Variants in CADPS observed in about 807,000 individuals in gnomAD.
CADPS encodes the protein calcium-dependent secretion activator 1.
CADPS carries 57 observed loss-of-function variants against 167.3 expected under a neutral mutation model. That is an observed-to-expected ratio of 0.34 (90% CI 0.28 to 0.42). CADPS has a LOEUF of 0.42. Ranked by LOEUF, CADPS falls within the 20% of genes least tolerant of loss-of-function variation. The probability of loss-of-function intolerance (pLI) is 1.00; values close to 1 mark genes in which losing one functional copy is unlikely to be tolerated. For missense variants in CADPS, 1,414 were observed against 1,738.1 expected, an observed-to-expected ratio of 0.81 and a Z score of 3.32; for synonymous variants, 676 against 635.3, an observed-to-expected ratio of 1.06 and a Z score of -0.96.
At chr3:62,564,927 A>G (rs530660819) in intron 9 of CADPS, among the ~76,000 whole-genome samples, 1 of 152,140 alleles carries the variant, frequency 6.6e-6, no homozygotes, top group African/African-American at 2.4e-5. Flanking sequence ...TTGATCACAG[A>G]ATAAAAATAT....
At chr3:62,480,373 G>C (rs1576598796) in intron 22 of CADPS, among the ~76,000 whole-genome samples, 1 of 152,094 alleles carries the variant, frequency 6.6e-6, no homozygotes, top group African/African-American at 2.4e-5. Context: ...TTTTCATATA[G>C]TCATCTTAGC....
chr3:62,797,454 G>C (rs2093495516), intron 1 of CADPS, among the ~76,000 whole-genome samples: 1 of 152,136 alleles, frequency 6.6e-6, no homozygotes, highest in African/African-American at 2.4e-5. Context: ...CTGTTTGATA[G>C]AGAAGATAGA....
chr3:62,591,878 T>C (rs1048049031), intron 7 of CADPS, among the ~76,000 whole-genome samples: 4 of 152,188 alleles, frequency 2.6e-5, no homozygotes, highest in African/African-American at 4.8e-5. Flanking sequence ...TGCTCCTTAG[T>C]GAGGCATCTT....
At chr3:62,625,713 GT>G (rs2063948713) in intron 6 of CADPS, 1 of 150,706 alleles carries the variant, frequency 6.6e-6, no homozygotes, top group Admixed American at 6.6e-5. Context: ...ATACCACTTC[GT>G]TTTGCTGGAA....
At position 62,564,880 on chromosome 3, in the gene CADPS, C is replaced by T. The variant is rs138105544; in HGVS notation, c.1644+5992G>A. ...TCAGCCTCCCAAGGGGCTGGGATTACAGGCATGAGCCACCATGTCTGGGCA... is the reference window on the plus strand; with the variant it reads ...TCAGCCTCCCAAGGGGCTGGGATTATAGGCATGAGCCACCATGTCTGGGCA... On this transcript the variant is annotated intron_variant, in intron 9 of 29. Coordinates refer to ENST00000383710, the MANE Select transcript of CADPS (RefSeq NM_003716.4). Among the ~76,000 whole-genome samples the T allele has an allele frequency of 1.1e-3, 165 of 152,272 alleles. 1 individual carries two copies. Among genetic ancestry groups the T allele is most frequent in the African/African-American group, 3.7e-3 (153 of 41,568 alleles).
At chr3:62,734,858 T>A (rs1421905340) in intron 3 of CADPS, among the ~76,000 whole-genome samples, 1 of 152,210 alleles carries the variant, frequency 6.6e-6, no homozygotes, top group Non-Finnish European at 1.5e-5. Flanking sequence ...CATAGCAATG[T>A]AGAAAACATC....
chr3:62,639,967 C>T (rs1474718856), intron 6 of CADPS, among the ~76,000 whole-genome samples: 1 of 152,156 alleles, frequency 6.6e-6, no homozygotes, highest in Non-Finnish European at 1.5e-5. Context: ...TCTTTCAGAA[C>T]ACAAATTATA....
In CADPS at chr3:62,811,579, C is replaced by T. The variant is rs191198047; in HGVS notation, c.442-45595G>A. The stretch of plus-strand genomic sequence containing the variant: ...TCCTATCCCATCATTCAAAGCCCAG[C>T]TTAAGGCTTCCTAAGACCTTCTCCA... On this transcript the variant is annotated intron_variant, in intron 1 of 29. Transcript: ENST00000383710. Among the ~76,000 whole-genome samples, 333 of 152,322 alleles carry T rather than the reference C, an allele frequency of 2.2e-3. 2 individuals carry two copies. Among genetic ancestry groups the T allele is most frequent in the Non-Finnish European group, 2.9e-3 (198 of 68,018 alleles).
chr3:62,432,668 T>A (rs1488430361), intron 28 of CADPS, among the ~76,000 whole-genome samples: 2 of 152,170 alleles, frequency 1.3e-5, no homozygotes, highest in Admixed American at 6.5e-5. Flanking sequence ...CAGAGCTCGA[T>A]GCTGCAGATT....
chr3:62,584,551 T>C (rs575583396), intron 8 of CADPS, among the ~76,000 whole-genome samples: 16 of 152,352 alleles, frequency 1.1e-4, no homozygotes, highest in Admixed American at 9.8e-4. Flanking sequence ...TTTAGTTTAA[T>C]AGGTCATGGC....
intron 3 of CADPS, among the ~76,000 whole-genome samples, chr3:62,683,358 A>G (rs542138459): frequency 1.3e-5 from 2 of 152,176 alleles, no homozygotes; most frequent in African/African-American, 4.8e-5. Flanking sequence ...CCGACTAAAT[A>G]TACCAAGTGC....
intron 6 of CADPS, among the ~76,000 whole-genome samples, chr3:62,594,257 G>C (rs897174727): frequency 6.7e-6 from 1 of 149,482 alleles, no homozygotes; most frequent in East Asian, 2.0e-4. Flanking sequence ...CGCCTCCCGG[G>C]TTCACGCCAT....
intron 17 of CADPS, among the ~76,000 whole-genome samples, chr3:62,502,739 C>A (rs758166768): frequency 6.6e-6 from 1 of 152,054 alleles, no homozygotes; most frequent in Non-Finnish European, 1.5e-5. Context: ...TGAAAGTTTA[C>A]GGTACTTGAT....
chr3:62,795,315 C>T (rs1171074921), intron 1 of CADPS, among the ~76,000 whole-genome samples: 1 of 152,096 alleles, frequency 6.6e-6, no homozygotes, highest in Non-Finnish European at 1.5e-5. Context: ...TCATCACCCT[C>T]ACATTTTCTA....
intron 2 of CADPS, among the ~76,000 whole-genome samples, chr3:62,763,398 T>C (rs1035909702): frequency 6.6e-6 from 1 of 152,186 alleles, no homozygotes; most frequent in Non-Finnish European, 1.5e-5. Context: ...GGGGGGAAGA[T>C]ACCCATCCCG....
chr3:62,794,684 C>T (rs1397558656), intron 1 of CADPS, among the ~76,000 whole-genome samples: 1 of 150,456 alleles, frequency 6.6e-6, no homozygotes, highest in East Asian at 2.0e-4. Flanking sequence ...CTCATTCCAT[C>T]ATCTTTTTTC....
chr3:62,649,365 A>G (rs1311501738), intron 5 of CADPS, among the ~76,000 whole-genome samples: 1 of 152,062 alleles, frequency 6.6e-6, no homozygotes, highest in African/African-American at 2.4e-5. Flanking sequence ...TGATTTTGGT[A>G]CATTTACTAA....
chr3:62,861,513 T>A (rs1160381025), intron 1 of CADPS, among the ~76,000 whole-genome samples: 1 of 152,162 alleles, frequency 6.6e-6, no homozygotes, highest in African/African-American at 2.4e-5. Flanking sequence ...TTTGTACAAA[T>A]CTCCCCACAA....
chr3:62,666,048 G>A (rs933972342), intron 3 of CADPS, among the ~76,000 whole-genome samples: 1 of 152,240 alleles, frequency 6.6e-6, no homozygotes, highest in African/African-American at 2.4e-5. Context: ...AGATGGGACA[G>A]TGTCCCTCAC....
Sources: allele counts gnomAD v4.1 joint callset (sites outside exome capture counted in the v4.1 genomes callset), GRCh38; gene constraint gnomAD v4.1.1; transcripts MANE v1.5; gene names NCBI Gene and HGNC (gene_info 2026-07-23, HGNC 2026-07-21).